The following GAB2 variants were observed in gnomAD, a reference collection of about 807,000 sequenced individuals.
The protein encoded by GAB2 is GRB2-associated-binding protein 2.
In GAB2, 26 loss-of-function variants were observed where a neutral mutation model predicts 65.5. That is an observed-to-expected ratio of 0.40 (90% CI 0.29 to 0.55). The LOEUF is 0.55. Ranked by LOEUF, GAB2 falls within the 20% of genes least tolerant of loss-of-function variation. The probability of loss-of-function intolerance (pLI) is 0.53; values close to 1 mark genes in which losing one functional copy is unlikely to be tolerated. For missense variants in GAB2, 884 were observed against 875.8 expected (o/e 1.01, Z -0.12); for synonymous variants, 321 against 329.6 (o/e 0.97, Z 0.28).
rs181723260 is a variant in GAB2, at chr11:78,254,822, A to G, written c.377-4422T>C. ...CTAAAAAAAGAAAAAAGAAAAAAGA[A>G]AAAAAAAAGTATGTAGCTCCAGAAA... On this transcript the variant is annotated intron_variant, in intron 2 of 9. Coordinates refer to ENST00000361507, the MANE Select transcript of GAB2 (RefSeq NM_080491.3). 1.2e-3 allele frequency among the ~76,000 whole-genome samples: 185 copies of G among 150,570 alleles called. 1 individual carries two copies. The highest frequency in any genetic ancestry group is 0.011 in the Admixed American group (166 of 14,994).
rs73502937 is a variant in GAB2 at position 78,388,883 on chromosome 11, A to T, written c.75+28763T>A. 4.3e-3 allele frequency among the ~76,000 whole-genome samples: 654 copies of T among 152,318 alleles called. 3 individuals carry two copies. The highest frequency in any genetic ancestry group is 0.015 in the African/African-American group (629 of 41,572). Reference sequence around the variant, plus strand: ...TAACCCTTACCTTACTTTAAATCATACTTCTTTGGGTAGAAACAGAAGAAT... The same window carrying T: ...TAACCCTTACCTTACTTTAAATCATTCTTCTTTGGGTAGAAACAGAAGAAT... On this transcript the variant is annotated intron_variant, in intron 1 of 9. Transcript: ENST00000361507.
In GAB2 at chr11:78,361,524, C is replaced by T. The variant is rs1358679884; in HGVS notation, c.75+56122G>A. ...ACAATTCCTATTACAAAGGGCTAATCTCCTACATAAAGAGCTCCTACAAAT... is the reference window on the plus strand; with the variant it reads ...ACAATTCCTATTACAAAGGGCTAATTTCCTACATAAAGAGCTCCTACAAAT... On this transcript the variant is annotated intron_variant, in intron 1 of 9. Transcript: ENST00000361507. Among the ~76,000 whole-genome samples, 3 of 152,048 alleles carry T rather than the reference C, an allele frequency of 2.0e-5. No homozygotes were observed. In the East Asian group the frequency reaches 5.8e-4, roughly 29 times the overall value.
intron 3 of GAB2, among the ~76,000 whole-genome samples, chr11:78,245,997 G>A (rs1865286756): frequency 6.7e-6 from 1 of 149,990 alleles, no homozygotes; most frequent in Admixed American, 6.7e-5. Flanking sequence ...CCAGGCTGGA[G>A]TGCAATGGCG....
At chr11:78,352,560 C>T (rs537111623) in intron 1 of GAB2, among the ~76,000 whole-genome samples, 1 of 152,304 alleles carries the variant, frequency 6.6e-6, no homozygotes, top group Admixed American at 6.5e-5. Flanking sequence ...ACCCTTGTTA[C>T]AGAATTCATA....
chr11:78,413,141 A>G (rs1017585566), intron 1 of GAB2, among the ~76,000 whole-genome samples: 1 of 152,252 alleles, frequency 6.6e-6, no homozygotes, highest in Non-Finnish European at 1.5e-5. Context: ...ACATTCAAAT[A>G]GAGATGCCCA....
At chr11:78,258,569 T>G (rs926857453) in intron 2 of GAB2, among the ~76,000 whole-genome samples, 13 of 151,718 alleles carry the variant, frequency 8.6e-5, no homozygotes, top group Admixed American at 6.6e-4. Context: ...CTTCTTAGAG[T>G]TGAATTATAA....
rs771317908 is a variant in GAB2 at position 78,226,766 on chromosome 11, C to G, written c.906G>C (p.Leu302=). 5 of 1,614,064 alleles carry G rather than the reference C, an allele frequency of 3.1e-6. No individual in the cohort carries two copies. In the South Asian group the frequency reaches 5.5e-5, roughly 18 times the overall value. The change falls in exon 4 of 10, where the codon CTG becomes CTC. Residue 302 remains leucine (L), a synonymous_variant. Coordinates refer to ENST00000361507, the MANE Select transcript of GAB2 (RefSeq NM_080491.3). ...CCAGGAGGTCCCCGAACTCCCTGCA[C>G]AGGGTGTTGCTGGGCGTCTTGAAGG... is the stretch of plus-strand genomic sequence containing the variant. ...VYTFKTPSNT[L]CREFGDLLVD...
intron 1 of GAB2, among the ~76,000 whole-genome samples, chr11:78,403,761 T>C (rs1219155265): frequency 6.6e-6 from 1 of 152,166 alleles, no homozygotes; most frequent in African/African-American, 2.4e-5. Flanking sequence ...CTTAAAAGCT[T>C]TGACACAGCA....
chr11:78,318,036 T>C (rs1253824682), intron 1 of GAB2: 1 of 152,000 alleles, frequency 6.6e-6, no homozygotes, highest in African/African-American at 2.4e-5. Flanking sequence ...CAAATATGAA[T>C]ATACAAAAGG....
intron 1 of GAB2, among the ~76,000 whole-genome samples, chr11:78,352,297 G>A (rs1856290518): frequency 1.3e-5 from 2 of 152,206 alleles, no homozygotes; most frequent in African/African-American, 4.8e-5. Flanking sequence ...CTGACTTGAT[G>A]CCGACTCCCA....
At chr11:78,396,633 G>A (rs1431899244) in intron 1 of GAB2, among the ~76,000 whole-genome samples, 1 of 152,086 alleles carries the variant, frequency 6.6e-6, no homozygotes, top group African/African-American at 2.4e-5. Flanking sequence ...TTGAGGCAGA[G>A]TTTCACTCTT....
At position 78,219,089 on chromosome 11, in the gene GAB2, C is replaced by A; in HGVS notation, c.*183G>T. On this transcript the variant is annotated 3_prime_UTR_variant, in exon 10 of 10. Coordinates refer to ENST00000361507, the MANE Select transcript of GAB2 (RefSeq NM_080491.3). Reference sequence around the variant, plus strand: ...GGGCCCCGAGTGGGCAGAGGAGGTGCCTTGATCAGGCCCTCACCTCCCAGG... The same window carrying A: ...GGGCCCCGAGTGGGCAGAGGAGGTGACTTGATCAGGCCCTCACCTCCCAGG... 1 of 592,576 alleles carries A rather than the reference C, an allele frequency of 1.7e-6. No homozygotes were observed. The highest frequency in any genetic ancestry group is 2.9e-6 in the Non-Finnish European group (1 of 339,652). 36.7% of individuals were successfully genotyped at this position (592,576 alleles called of 1,614,324 possible).
At chr11:78,415,180 AAGTC>A (rs1257920512) in intron 1 of GAB2, among the ~76,000 whole-genome samples, 1 of 152,136 alleles carries the variant, frequency 6.6e-6, no homozygotes, top group Non-Finnish European at 1.5e-5. Context: ...ACTTCAAATT[AAGTC>A]AGTTTTTTAA....
intron 1 of GAB2, among the ~76,000 whole-genome samples, chr11:78,298,766 A>G (rs1221388422): frequency 6.6e-6 from 1 of 152,218 alleles, no homozygotes; most frequent in Non-Finnish European, 1.5e-5. Context: ...AGGGAAAACC[A>G]GGGCAAAGCT....
chr11:78,233,578 G>C (rs570829966), intron 3 of GAB2, among the ~76,000 whole-genome samples: 1 of 151,996 alleles, frequency 6.6e-6, no homozygotes, highest in African/African-American at 2.4e-5. Context: ...TTAGATATGC[G>C]CGTTGAATAT....
chr11:78,244,527 T>G (rs982882621), intron 3 of GAB2, among the ~76,000 whole-genome samples: 2 of 151,912 alleles, frequency 1.3e-5, no homozygotes, highest in African/African-American at 2.4e-5. Flanking sequence ...ATTCATCTGA[T>G]GGAAGGTTGA....
At chr11:78,263,590 G>A (rs774028048) in intron 2 of GAB2, among the ~76,000 whole-genome samples, 4 of 148,094 alleles carry the variant, frequency 2.7e-5, no homozygotes, top group East Asian at 2.0e-4. Context: ...CCGAGATCGC[G>A]CCACTGCACT....
chr11:78,330,106 A>G (rs188127411), intron 1 of GAB2, among the ~76,000 whole-genome samples: 1 of 152,272 alleles, frequency 6.6e-6, no homozygotes. Flanking sequence ...GTAGCTTCTC[A>G]AGTCTGACCT....
chr11:78,342,463 G>A (rs1486221979), intron 1 of GAB2, among the ~76,000 whole-genome samples: 1 of 141,960 alleles, frequency 7.0e-6, no homozygotes, highest in Non-Finnish European at 1.5e-5. Flanking sequence ...AGGCTGGAGT[G>A]CAGTGGCACA....
Sources: gnomAD v4.1 joint callset for allele counts (sites outside exome capture counted in the v4.1 genomes callset) on GRCh38, gnomAD v4.1.1 for gene constraint, MANE v1.5 for transcripts, NCBI Gene and HGNC (gene_info 2026-07-23, HGNC 2026-07-21) for gene names.